Variants in HS6ST3 observed in about 807,000 individuals in gnomAD.
HS6ST3 encodes the protein heparan sulfate 6-O-sulfotransferase 3.
Under a neutral mutation model 36.7 loss-of-function variants are expected in HS6ST3, and 12 were observed. The ratio of observed to expected loss-of-function variants is 0.33; its 90% CI spans 0.21 to 0.53. The LOEUF (loss-of-function observed/expected upper bound fraction) is 0.53, where lower values mean the gene tolerates loss of function less well. HS6ST3 is among the 20% of genes least tolerant of loss of function. The pLI, the probability that HS6ST3 is intolerant of heterozygous loss-of-function variation, is 0.95. For missense variants in HS6ST3, 584 were observed against 640.9 expected (o/e 0.91, Z 0.96); for synonymous variants, 240 against 257.5 (o/e 0.93, Z 0.65).
chr13:96,094,213 G>A (rs144239572), intron 1 of HS6ST3, among the ~76,000 whole-genome samples: 2 of 152,218 alleles, frequency 1.3e-5, no homozygotes, highest in Admixed American at 6.5e-5. Context: ...GGCCATTATA[G>A]GGGTGTTGTG....
At chr13:96,439,992 A>C (rs1262066321) in intron 1 of HS6ST3, among the ~76,000 whole-genome samples, 1 of 152,238 alleles carries the variant, frequency 6.6e-6, no homozygotes, top group Non-Finnish European at 1.5e-5. Context: ...CATTTCTAAA[A>C]GGCCTGGGGC....
intron 1 of HS6ST3, among the ~76,000 whole-genome samples, chr13:96,222,615 A>G (rs1477604161): frequency 6.6e-6 from 1 of 152,248 alleles, no homozygotes; most frequent in Middle Eastern, 3.2e-3. Context: ...TTCTTAGAGC[A>G]TTGCTCTTTC....
At chr13:96,401,640 T>A (rs2055451822) in intron 1 of HS6ST3, among the ~76,000 whole-genome samples, 1 of 152,170 alleles carries the variant, frequency 6.6e-6, no homozygotes, top group African/African-American at 2.4e-5. Flanking sequence ...GGTGGTGCGA[T>A]CTCGGCTCAC....
At chr13:96,187,773 C>T (rs2054271204) in intron 1 of HS6ST3, among the ~76,000 whole-genome samples, 2 of 152,206 alleles carry the variant, frequency 1.3e-5, no homozygotes, top group Non-Finnish European at 1.5e-5. Context: ...TTCCATTCTA[C>T]CTGCCCTCCT....
intron 1 of HS6ST3, among the ~76,000 whole-genome samples, chr13:96,471,936 G>A (rs2055842076): frequency 6.6e-6 from 1 of 152,164 alleles, no homozygotes; most frequent in Non-Finnish European, 1.5e-5. Flanking sequence ...GCTGAGGTTG[G>A]TTGGGTTTGG....
chr13:96,440,766 C>T (rs2055666916), intron 1 of HS6ST3, among the ~76,000 whole-genome samples: 1 of 152,052 alleles, frequency 6.6e-6, no homozygotes, highest in Non-Finnish European at 1.5e-5. Context: ...TAAGGAATCC[C>T]AGCAAGACTA....
chr13:96,344,027 C>CCACTG (rs2055142288), intron 1 of HS6ST3, among the ~76,000 whole-genome samples: 2 of 152,328 alleles, frequency 1.3e-5, no homozygotes, highest in South Asian at 4.1e-4. Flanking sequence ...CAGGCATGAA[C>CCACTG]CACTGCACTG....
intron 1 of HS6ST3, among the ~76,000 whole-genome samples, chr13:96,096,933 G>A (rs547248845): frequency 6.6e-6 from 1 of 152,276 alleles, no homozygotes; most frequent in South Asian, 2.1e-4. Flanking sequence ...GGTTTTTGTA[G>A]TGTAAAACTA....
rs572522527 is a variant in HS6ST3, at chr13:96,489,405, T to C, written c.708-343085T>C. 4.1e-3 allele frequency among the ~76,000 whole-genome samples: 602 copies of C among 145,408 alleles called. 4 individuals carry two copies. Among genetic ancestry groups the C allele is most frequent in the African/African-American group, 0.015 (552 of 37,628 alleles). On this transcript the variant is annotated intron_variant, in intron 1 of 1. Transcript: ENST00000376705. ...ACACACACACACACACACACACACA[T>C]ATAGTTTTTTTCTAAAATTAGTAAA...
intron 1 of HS6ST3, among the ~76,000 whole-genome samples, chr13:96,583,079 C>G (rs1455424750): frequency 6.6e-6 from 1 of 151,980 alleles, no homozygotes; most frequent in Admixed American, 6.6e-5. Flanking sequence ...TTACTTGCCC[C>G]TTTGTTTTCA....
chr13:96,453,350 C>A (rs1336462275), intron 1 of HS6ST3, among the ~76,000 whole-genome samples: 1 of 152,080 alleles, frequency 6.6e-6, no homozygotes, highest in Non-Finnish European at 1.5e-5. Flanking sequence ...ACTCTCTCAC[C>A]TTTTGGAGTC....
chr13:96,813,481 G>A (rs1243059018), intron 1 of HS6ST3, among the ~76,000 whole-genome samples: 1 of 152,156 alleles, frequency 6.6e-6, no homozygotes, highest in African/African-American at 2.4e-5. Flanking sequence ...ATATGTAGGA[G>A]CCCAACATGT....
intron 1 of HS6ST3, among the ~76,000 whole-genome samples, chr13:96,465,705 G>A (rs923994223): frequency 6.6e-6 from 1 of 152,042 alleles, no homozygotes; most frequent in East Asian, 1.9e-4. Flanking sequence ...CCTGGGTGGT[G>A]CTTACATAGG....
chr13:96,447,932 T>C (rs1472604713), intron 1 of HS6ST3, among the ~76,000 whole-genome samples: 1 of 152,168 alleles, frequency 6.6e-6, no homozygotes, highest in African/African-American at 2.4e-5. Context: ...CTGTGTCGTT[T>C]TATCAAAACT....
intron 1 of HS6ST3, among the ~76,000 whole-genome samples, chr13:96,727,700 G>T (rs1594846301): frequency 6.6e-6 from 1 of 152,094 alleles, no homozygotes; most frequent in Non-Finnish European, 1.5e-5. Flanking sequence ...CATACCTCAT[G>T]GTTTGGCAAC....
Position 96,098,890 on chromosome 13 carries a change from G to C in HS6ST3, c.707+7321G>C, listed in dbSNP as rs191567588. ...GACACATAGTGAGGAAATCATAAAA[G>C]AGTTAGCTATTATTATTTTCTCCTG... On this transcript the variant is annotated intron_variant, in intron 1 of 1. Transcript: ENST00000376705. 2.6e-5 allele frequency among the ~76,000 whole-genome samples: 4 copies of C among 152,254 alleles called. No homozygotes were observed. The East Asian group carries it at 7.7e-4, about 29-fold the overall frequency.
intron 1 of HS6ST3, among the ~76,000 whole-genome samples, chr13:96,791,980 A>C (rs1404439730): frequency 6.6e-6 from 1 of 152,080 alleles, no homozygotes; most frequent in African/African-American, 2.4e-5. Flanking sequence ...TAACATATAC[A>C]TTGCATTATA....
chr13:96,753,945 G>A (rs919168819), intron 1 of HS6ST3, among the ~76,000 whole-genome samples: 17 of 151,942 alleles, frequency 1.1e-4, no homozygotes, highest in African/African-American at 3.4e-4. Flanking sequence ...TCAGCCTCTC[G>A]ATTACTGGGA....
At chr13:96,739,966 T>C (rs7984507) in intron 1 of HS6ST3, among the ~76,000 whole-genome samples, 18,968 of 152,120 alleles carry the variant, frequency 0.12, 1,426 homozygotes, top group East Asian at 0.21. Flanking sequence ...TGCTCACTTA[T>C]ACTTCCCCTT....
Sources: allele counts gnomAD v4.1 joint callset (sites outside exome capture counted in the v4.1 genomes callset), GRCh38; gene constraint gnomAD v4.1.1; transcripts MANE v1.5; gene names NCBI Gene and HGNC (gene_info 2026-07-23, HGNC 2026-07-21).